HEPHL1: variants seen among roughly 807,000 people sequenced by gnomAD.
The protein encoded by HEPHL1 is hephaestin like 1.
In HEPHL1, 123 loss-of-function variants were observed where a neutral mutation model predicts 122.0. The observed-to-expected ratio is 1.01, with a 90% CI of 0.87 to 1.17. The LOEUF (loss-of-function observed/expected upper bound fraction) is 1.17, where lower values mean the gene tolerates loss of function less well. Among genes scored for constraint, HEPHL1 ranks in the 50% most tolerant of loss-of-function variants. The pLI, the probability that HEPHL1 is intolerant of heterozygous loss-of-function variation, is 0.00. For synonymous variants in HEPHL1, 527 were observed against 508.9 expected (o/e 1.04, Z -0.48); for missense variants, 1,452 against 1,430.5 (o/e 1.01, Z -0.24).
At position 94,112,191 on chromosome 11, in the gene HEPHL1, A is replaced by T; in HGVS notation, c.*297A>T. On this transcript the variant is annotated 3_prime_UTR_variant, in exon 20 of 20. Transcript: ENST00000315765. ...TTCACTGAATAGGAGACACTCTGAA[A>T]GATATCTTTATATTCCATCTTTTAT... The T allele has an allele frequency of 4.1e-6, 1 of 241,780 alleles. No individual in the cohort carries two copies. 15.0% of individuals were successfully genotyped at this position (241,780 alleles called of 1,614,324 possible). A position where few individuals can be genotyped will look rare whatever the true frequency, so the allele number is the denominator to read the frequency against.
intron 13 of HEPHL1, among the ~76,000 whole-genome samples, chr11:94,098,397 G>C (rs1048256022): frequency 6.6e-6 from 1 of 152,134 alleles, no homozygotes; most frequent in Non-Finnish European, 1.5e-5. Flanking sequence ...TAGTCTGATG[G>C]GCTTCCCTTT....
At chr11:94,069,137 T>A (rs908750) in intron 5 of HEPHL1, among the ~76,000 whole-genome samples, 148,178 of 152,314 alleles carry the variant, frequency 0.97, 72,210 homozygotes, top group East Asian at 1. Flanking sequence ...AGATATTAGC[T>A]GCCATTTGAG....
chr11:94,024,332 G>C (rs1342991304), intron 1 of HEPHL1, among the ~76,000 whole-genome samples: 2 of 152,164 alleles, frequency 1.3e-5, no homozygotes, highest in Non-Finnish European at 2.9e-5. Flanking sequence ...TGTGTAAGAA[G>C]GGAGTTGAAA....
chr11:94,033,110 G>A (rs149891510), intron 1 of HEPHL1, among the ~76,000 whole-genome samples: 9 of 152,228 alleles, frequency 5.9e-5, no homozygotes, highest in African/African-American at 1.7e-4. Flanking sequence ...TTTTCAAGTC[G>A]CCCGCTTGGC....
chr11:94,025,000 G>A (rs1411320069), intron 1 of HEPHL1, among the ~76,000 whole-genome samples: 4 of 152,130 alleles, frequency 2.6e-5, no homozygotes, highest in Admixed American at 2.6e-4. Flanking sequence ...TGGGGAACAA[G>A]ATGGTGGGTG....
intron 2 of HEPHL1, among the ~76,000 whole-genome samples, chr11:94,058,158 G>T (rs1024897416): frequency 3.3e-5 from 5 of 152,076 alleles, no homozygotes; most frequent in African/African-American, 1.2e-4. Flanking sequence ...CTCTGCTAGT[G>T]GATCTGTGAG....
At chr11:94,078,516 T>A (rs899367367) in intron 9 of HEPHL1, among the ~76,000 whole-genome samples, 4 of 149,004 alleles carry the variant, frequency 2.7e-5, no homozygotes, top group Admixed American at 6.8e-5. Context: ...TTATGAGGAA[T>A]TGGCTCATAT....
At chr11:94,052,486 A>T (rs541107425) in intron 2 of HEPHL1, among the ~76,000 whole-genome samples, 1 of 152,198 alleles carries the variant, frequency 6.6e-6, no homozygotes, top group Non-Finnish European at 1.5e-5. Context: ...CAACTTTACT[A>T]AATTTGTAAG....
chr11:94,073,022 C>T lies in HEPHL1; in HGVS notation c.1233-3C>T, dbSNP rs562629012. 3.1e-6 allele frequency: 5 copies of T among 1,611,536 alleles called. No individual in the cohort carries two copies. The South Asian group carries it at 4.4e-5, about 14-fold the overall frequency. On this transcript the variant is annotated splice_region_variant and splice_polypyrimidine_tract_variant and intron_variant, in intron 6 of 19. Transcript: ENST00000315765. ...CCTCAATCACATTCCTATGTCTTTT[C>T]AGTGACTCTGATCTCTACTTCACAC...
chr11:94,086,625 T>C (rs572589249), intron 11 of HEPHL1, among the ~76,000 whole-genome samples: 3 of 152,342 alleles, frequency 2.0e-5, no homozygotes, highest in African/African-American at 7.2e-5. Flanking sequence ...GTCTCTCTTC[T>C]GTAGGTACTG....
Position 94,064,359 on chromosome 11 carries a change from G to A in HEPHL1, c.657G>A (p.Arg219=), listed in dbSNP as rs768687392. The A allele has an allele frequency of 1.2e-6, 2 of 1,613,162 alleles. No individual in the cohort carries two copies. Among genetic ancestry groups the A allele is most frequent in the South Asian group, 2.2e-5 (2 of 91,004 alleles). Reference sequence around the variant, plus strand: ...TCCTGAATAGATATTCAGGGACACGGAATGATGTGGATCGAGAGTTTGTTA... The same window carrying A: ...TCCTGAATAGATATTCAGGGACACGAAATGATGTGGATCGAGAGTTTGTTA... The part of the protein sequence containing the change: ...EGILNRYSGT[R]NDVDREFVIM... The change falls in exon 4 of 20, where the codon CGG becomes CGA. Residue 219 remains arginine (R), a synonymous_variant. Transcript: ENST00000315765.
chr11:94,029,676 A>G (rs1441973796), intron 1 of HEPHL1, among the ~76,000 whole-genome samples: 1 of 152,192 alleles, frequency 6.6e-6, no homozygotes, highest in African/African-American at 2.4e-5. Context: ...TAGAAAACCC[A>G]ATCCCCCCTT....
intron 17 of HEPHL1, among the ~76,000 whole-genome samples, chr11:94,110,352 C>T (rs1946438677): frequency 6.6e-6 from 1 of 152,092 alleles, no homozygotes; most frequent in Admixed American, 6.5e-5. Flanking sequence ...AGGAGGCAAT[C>T]AAGATGTCGA....
chr11:94,023,985 G>T (rs756532073), intron 1 of HEPHL1, among the ~76,000 whole-genome samples: 13 of 152,180 alleles, frequency 8.5e-5, no homozygotes, highest in Non-Finnish European at 1.9e-4. Flanking sequence ...CTGTGACTGG[G>T]ACATAAGTGG....
At chr11:94,110,290 A>G (rs1469661543) in intron 17 of HEPHL1, among the ~76,000 whole-genome samples, 1 of 152,142 alleles carries the variant, frequency 6.6e-6, no homozygotes, top group African/African-American at 2.4e-5. Flanking sequence ...TAATTCTTGG[A>G]TCAGGAATTT....
At position 94,086,145 on chromosome 11, in the gene HEPHL1, T is replaced by A. The variant is rs913032107; in HGVS notation, c.2036T>A (p.Phe679Tyr). The A allele has an allele frequency of 7.4e-6, 12 of 1,612,676 alleles. No individual in the cohort carries two copies. Among genetic ancestry groups the A allele is most frequent in the Non-Finnish European group, 1.0e-5 (12 of 1,179,606 alleles). ...ACTCACCGAGACTCCCTGGCCCTGT[T>A]TCCCCACATGGCCACAACAGCATTC... ...RGTHRDSLALFPHMATTAFMQ... is the reference protein window; with the variant it reads ...RGTHRDSLALYPHMATTAFMQ... Residue 679 changes from phenylalanine to tyrosine, a missense_variant, in exon 11 of 20, where the codon TTT (phenylalanine) becomes TAT (tyrosine). Phe to Tyr is a conservative substitution (Grantham distance 22). Transcript: ENST00000315765.
intron 1 of HEPHL1, among the ~76,000 whole-genome samples, chr11:94,036,904 C>T (rs774760458): frequency 3.1e-4 from 47 of 151,738 alleles, no homozygotes; most frequent in Admixed American, 1.0e-3. Flanking sequence ...GTCTACAGCT[C>T]CCAGCGTGAG....
chr11:94,056,211 A>G (rs1241341804), intron 2 of HEPHL1, among the ~76,000 whole-genome samples: 1 of 152,032 alleles, frequency 6.6e-6, no homozygotes, highest in Non-Finnish European at 1.5e-5. Context: ...TTGCTATTTG[A>G]ATTATTTTAC....
At chr11:94,104,159 G>A (rs1415529121) in intron 15 of HEPHL1, among the ~76,000 whole-genome samples, 1 of 152,114 alleles carries the variant, frequency 6.6e-6, no homozygotes, top group Non-Finnish European at 1.5e-5. Flanking sequence ...GGAAGTAGAG[G>A]GAGTGTTTGG....
Sources: allele counts gnomAD v4.1 joint callset (sites outside exome capture counted in the v4.1 genomes callset), GRCh38; gene constraint gnomAD v4.1.1; transcripts MANE v1.5; gene names NCBI Gene and HGNC (gene_info 2026-07-23, HGNC 2026-07-21).